Variants in NFE2L3 observed in about 807,000 individuals in gnomAD.
The protein encoded by NFE2L3 is NFE2 like bZIP transcription factor 3.
Under a neutral mutation model 23.5 loss-of-function variants are expected in NFE2L3, and 18 were observed. The observed-to-expected ratio is 0.77, with a 90% CI of 0.53 to 1.13. NFE2L3 has a LOEUF of 1.13. NFE2L3 is among the 50% of genes most tolerant of loss of function. The probability of loss-of-function intolerance (pLI) is 0.00; values close to 1 mark genes in which losing one functional copy is unlikely to be tolerated. For synonymous variants in NFE2L3, 424 were observed against 354.5 expected, an observed-to-expected ratio of 1.20 and a Z score of -2.20; for missense variants, 1,152 against 877.2, an observed-to-expected ratio of 1.31 and a Z score of -3.96.
chr7:26,171,217 T>C (rs1784323796), intron 1 of NFE2L3, among the ~76,000 whole-genome samples: 1 of 152,198 alleles, frequency 6.6e-6, no homozygotes, highest in Non-Finnish European at 1.5e-5. Context: ...TAATATCTGT[T>C]ACAAGAAAAG....
chr7:26,175,227 G>A (rs969192495), intron 1 of NFE2L3, among the ~76,000 whole-genome samples: 4 of 151,620 alleles, frequency 2.6e-5, no homozygotes, highest in South Asian at 2.1e-4. Context: ...GGGCGTGGTG[G>A]CAGGCACCTG....
In NFE2L3 at chr7:26,178,039, C is replaced by G. The variant is rs1480504721; in HGVS notation, c.667C>G (p.Leu223Val). The G allele has an allele frequency of 6.2e-7, 1 of 1,614,144 alleles. No homozygotes were observed. Among genetic ancestry groups the G allele is most frequent in the South Asian group, 1.1e-5 (1 of 91,082 alleles). Residue 223 changes from leucine (L) to valine (V), a missense_variant, in exon 2 of 4, where the codon CTT becomes GTT. Leu to Val is a conservative substitution (Grantham distance 32). Coordinates refer to ENST00000056233, the MANE Select transcript of NFE2L3 (RefSeq NM_004289.7). The stretch of plus-strand genomic sequence containing the variant: ...GGTGTCAGCCCAGAAGGAGAACTCA[C>G]TTCAGCAGAATGATGATGATGAAAA... ...ERVSAQKENSLQQNDDDENKI... is the reference protein window; with the variant it reads ...ERVSAQKENSVQQNDDDENKI...
intron 1 of NFE2L3, among the ~76,000 whole-genome samples, chr7:26,160,030 T>C (rs946315992): frequency 6.7e-6 from 1 of 149,702 alleles, no homozygotes. Context: ...CATATCTTAC[T>C]GCAGCCTCAA....
chr7:26,170,301 G>A (rs1449065438), intron 1 of NFE2L3, among the ~76,000 whole-genome samples: 1 of 152,132 alleles, frequency 6.6e-6, no homozygotes, highest in Non-Finnish European at 1.5e-5. Flanking sequence ...GGCTCTTTCA[G>A]TTGCTCATCT....
At chr7:26,183,401 A>G (rs919480967) in intron 2 of NFE2L3, among the ~76,000 whole-genome samples, 14 of 152,100 alleles carry the variant, frequency 9.2e-5, no homozygotes, top group African/African-American at 3.4e-4. Context: ...TACAAAAATT[A>G]GCCAGACGTG....
intron 1 of NFE2L3, among the ~76,000 whole-genome samples, chr7:26,164,101 G>C (rs1307536236): frequency 6.6e-6 from 1 of 152,170 alleles, no homozygotes; most frequent in Non-Finnish European, 1.5e-5. Flanking sequence ...ATTGTGAATA[G>C]TGCCACAATA....
At chr7:26,168,684 C>T (rs1232455537) in intron 1 of NFE2L3, among the ~76,000 whole-genome samples, 3 of 151,938 alleles carry the variant, frequency 2.0e-5, no homozygotes, top group African/African-American at 4.8e-5. Context: ...TATAAACATG[C>T]GTATGCAAGT....
chr7:26,169,495 G>A (rs1219968951), intron 1 of NFE2L3, among the ~76,000 whole-genome samples: 1 of 152,192 alleles, frequency 6.6e-6, no homozygotes, highest in Non-Finnish European at 1.5e-5. Context: ...CTTAGGGGAG[G>A]CGACTCTTGG....
chr7:26,172,592 C>T (rs963961031), intron 1 of NFE2L3, among the ~76,000 whole-genome samples: 2 of 152,140 alleles, frequency 1.3e-5, no homozygotes, highest in Admixed American at 6.5e-5. Context: ...AATGTGGAAA[C>T]ACTCCTCTCT....
intron 1 of NFE2L3, among the ~76,000 whole-genome samples, chr7:26,164,539 T>C (rs1404211287): frequency 6.6e-6 from 1 of 152,216 alleles, no homozygotes; most frequent in Non-Finnish European, 1.5e-5. Flanking sequence ...TTGAGTTCTT[T>C]GTAGATTCTG....
chr7:26,175,568 G>A (rs1251666447), intron 1 of NFE2L3, among the ~76,000 whole-genome samples: 3 of 152,018 alleles, frequency 2.0e-5, no homozygotes, highest in African/African-American at 7.2e-5. Flanking sequence ...ACGAGGTCAG[G>A]AGATCGAGAC....
intron 1 of NFE2L3, among the ~76,000 whole-genome samples, chr7:26,157,617 CTTA>C (rs1478985743): frequency 6.6e-6 from 1 of 152,170 alleles, no homozygotes; most frequent in East Asian, 1.9e-4. Context: ...CGGAAATAGT[CTTA>C]TAATTACATA....
Position 26,185,346 on chromosome 7 carries a change from T to C in NFE2L3, c.1648T>C (p.Ser550Pro), listed in dbSNP as rs779713919. 4 of 1,614,012 alleles carry C rather than the reference T, an allele frequency of 2.5e-6. No individual in the cohort carries two copies. In the African/African-American group the frequency reaches 5.3e-5, roughly 22 times the overall value. The change falls in exon 4 of 4, where the codon TCT becomes CCT. Residue 550 changes from serine (S) to proline (P), a missense_variant. Ser to Pro is a moderately conservative substitution (Grantham distance 74). Transcript: ENST00000056233. ...TGCTAAAGCTTTGCATATCCCTTTT[T>C]CTGTAGATGAAATTGTCGGCATGCC... ...QRAKALHIPF[S>P]VDEIVGMPVD...
intron 2 of NFE2L3, among the ~76,000 whole-genome samples, chr7:26,180,877 G>C (rs1039911583): frequency 4.6e-5 from 7 of 152,130 alleles, no homozygotes; most frequent in African/African-American, 1.4e-4. Context: ...AGGCATTTGT[G>C]CCTAATTCTT....
At chr7:26,184,474 TAGAACTGCTTCAGA>T in intron 3 of NFE2L3, 45 bp from the exon 4 acceptor site, 3 of 1,481,298 alleles carry the variant, frequency 2.0e-6, no homozygotes, top group Non-Finnish European at 2.7e-6. Flanking sequence ...TGTTAGGTAA[TAGAACTGCTTCAGA>T]AATAGGGCTA....
chr7:26,181,998 A>C (rs1420477951), intron 2 of NFE2L3, among the ~76,000 whole-genome samples: 1 of 151,980 alleles, frequency 6.6e-6, no homozygotes, highest in African/African-American at 2.4e-5. Flanking sequence ...TACTTCTAAT[A>C]GGAGTCCCAG....
intron 3 of NFE2L3, 141 bp from the exon 4 acceptor site, chr7:26,184,392 C>A: frequency 2.8e-6 from 2 of 715,290 alleles, no homozygotes; most frequent in Non-Finnish European, 4.7e-6. Context: ...CTGTATTTAA[C>A]TAGGAAGTTA....
At chr7:26,154,030 T>C (rs1274305069) in intron 1 of NFE2L3, among the ~76,000 whole-genome samples, 1 of 152,206 alleles carries the variant, frequency 6.6e-6, no homozygotes, top group Non-Finnish European at 1.5e-5. Context: ...AAAATGGGAA[T>C]TGGGGCTAAA....
chr7:26,183,889 T>C (rs1782400744), intron 3 of NFE2L3, 105 bp downstream of exon 3: 6 of 747,478 alleles, frequency 8.0e-6, no homozygotes, highest in Admixed American at 2.2e-5. Flanking sequence ...TTTAAAGTAA[T>C]GCTTATTTTT....
Sources: allele counts gnomAD v4.1 joint callset (sites outside exome capture counted in the v4.1 genomes callset), GRCh38; gene constraint gnomAD v4.1.1; transcripts MANE v1.5; gene names NCBI Gene and HGNC (gene_info 2026-07-23, HGNC 2026-07-21).